UHRF2: variants seen among roughly 807,000 people sequenced by gnomAD.
UHRF2 encodes the protein ubiquitin like with PHD and ring finger domains 2.
Under a neutral mutation model 96.8 loss-of-function variants are expected in UHRF2, and 23 were observed. The ratio of observed to expected loss-of-function variants is 0.24; its 90% CI spans 0.17 to 0.34. UHRF2 has a LOEUF of 0.34. Ranked by LOEUF, UHRF2 falls within the 10% of genes least tolerant of loss-of-function variation. UHRF2 has a pLI of 1.00. For synonymous variants in UHRF2, 385 were observed against 332.6 expected (o/e 1.16, Z -1.72); for missense variants, 685 against 981.5 (o/e 0.70, Z 4.04).
At chr9:6,452,599 A>G (rs1324719734) in intron 3 of UHRF2, among the ~76,000 whole-genome samples, 2 of 152,250 alleles carry the variant, frequency 1.3e-5, no homozygotes, top group East Asian at 3.8e-4. Flanking sequence ...AACTAAGGAT[A>G]TAGAGTTACA....
intron 1 of UHRF2, among the ~76,000 whole-genome samples, chr9:6,416,971 C>T (rs983562419): frequency 2.0e-5 from 3 of 152,098 alleles, no homozygotes; most frequent in African/African-American, 4.8e-5. Flanking sequence ...TTGCCTCTCC[C>T]ACTTGGTTTT....
At chr9:6,490,599 G>A (rs181826412) in intron 9 of UHRF2, among the ~76,000 whole-genome samples, 1 of 152,318 alleles carries the variant, frequency 6.6e-6, no homozygotes, top group East Asian at 1.9e-4. Context: ...CTGTACTCCA[G>A]CCTGGATGAC....
At chr9:6,420,592 C>G (rs1227062759) in intron 1 of UHRF2, among the ~76,000 whole-genome samples, 2 of 151,524 alleles carry the variant, frequency 1.3e-5, no homozygotes, top group Non-Finnish European at 2.9e-5. Flanking sequence ...GTAGTCCCAG[C>G]TACTTCAGGG....
intron 4 of UHRF2, among the ~76,000 whole-genome samples, chr9:6,466,302 C>T (rs1179390972): frequency 6.6e-6 from 1 of 152,156 alleles, no homozygotes; most frequent in Non-Finnish European, 1.5e-5. Context: ...CTTTGGGAGG[C>T]TGAGGCGGAC....
rs1204080670 is a variant in UHRF2, at chr9:6,413,417, C to T, written c.-74C>T. On this transcript the variant is annotated 5_prime_UTR_variant, in exon 1 of 16. Transcript: ENST00000276893. Reference sequence around the variant, plus strand: ...AGGGCCCGAGCCGCAGGGAAAGCGGCGCGGGCCGGGCGGGGCGCGGCGCCC... The same window carrying T: ...AGGGCCCGAGCCGCAGGGAAAGCGGTGCGGGCCGGGCGGGGCGCGGCGCCC... 1.0e-5 allele frequency: 13 copies of T among 1,290,668 alleles called. No homozygotes were observed. Among genetic ancestry groups the T allele is most frequent in the Admixed American group, 3.1e-5 (1 of 32,102 alleles). The allele number at this position is 1,290,668 out of a possible 1,614,324, so 80.0% of individuals were successfully genotyped here.
chr9:6,425,907 ATATT>A (rs1199645738), intron 2 of UHRF2, among the ~76,000 whole-genome samples: 2 of 152,348 alleles, frequency 1.3e-5, no homozygotes, highest in African/African-American at 4.8e-5. Context: ...ACATCTATGA[ATATT>A]TATGTAACTA....
At chr9:6,500,197 G>A (rs1056817615) in intron 13 of UHRF2, among the ~76,000 whole-genome samples, 8 of 152,176 alleles carry the variant, frequency 5.3e-5, no homozygotes, top group Admixed American at 5.2e-4. Context: ...TGAACTCCTG[G>A]GCTGAAGGGA....
chr9:6,496,585 A>G (rs1824985461), intron 10 of UHRF2: 1 of 152,204 alleles, frequency 6.6e-6, no homozygotes, highest in Non-Finnish European at 1.5e-5. Context: ...AGAAGTCTTC[A>G]TTGTCATTAG....
intron 4 of UHRF2, among the ~76,000 whole-genome samples, chr9:6,470,013 C>G (rs1175346256): frequency 6.6e-6 from 1 of 151,994 alleles, no homozygotes; most frequent in South Asian, 2.1e-4. Context: ...TGAAGATGAC[C>G]AAGTTTTCAT....
chr9:6,441,377 C>G (rs1402461101), intron 3 of UHRF2, among the ~76,000 whole-genome samples: 1 of 147,892 alleles, frequency 6.8e-6, no homozygotes, highest in African/African-American at 2.5e-5. Context: ...CTGTCTCTAC[C>G]CCTCCCAAAA....
At chr9:6,438,625 G>A (rs1390891608) in intron 3 of UHRF2, among the ~76,000 whole-genome samples, 1 of 152,168 alleles carries the variant, frequency 6.6e-6, no homozygotes, top group Non-Finnish European at 1.5e-5. Flanking sequence ...GCAAAAGCAG[G>A]GAGATGTATT....
chr9:6,427,479 G>A (rs1295824195), intron 2 of UHRF2, among the ~76,000 whole-genome samples: 1 of 152,102 alleles, frequency 6.6e-6, no homozygotes, highest in Non-Finnish European at 1.5e-5. Context: ...CTGAGGTCAG[G>A]CTTTTGCAAC....
In UHRF2 at chr9:6,488,251, TAAAAAAAAAAAAAAAAAAAAAAAAAA is replaced by T. The variant is rs777979832; in HGVS notation, c.1497+1357_1497+1382del. 6.9e-3 allele frequency among the ~76,000 whole-genome samples: 364 copies of T among 52,526 alleles called. 10 individuals carry two copies. The highest frequency in any genetic ancestry group is 7.7e-3 in the Non-Finnish European group (211 of 27,376). The allele number at this position is 52,526 out of a possible 152,430, so 34.5% of individuals were successfully genotyped here. On this transcript the variant is annotated intron_variant, in intron 9 of 15. Transcript: ENST00000276893. ...AACAGAGAGCAAGACCCTGTCTCCT[TAAAAAAAAAAAAAAAAAAAAAAAAAA>T]AAAAAAAAAAAAAAAAAAAAAAAAA...
intron 4 of UHRF2, among the ~76,000 whole-genome samples, chr9:6,461,507 G>A (rs1441916947): frequency 6.6e-6 from 1 of 151,248 alleles, no homozygotes; most frequent in African/African-American, 2.4e-5. Context: ...CAAGTAGCTG[G>A]GACTACAGGC....
intron 10 of UHRF2, 69 bp from the exon 11 acceptor site, chr9:6,497,129 G>A: frequency 7.1e-7 from 1 of 1,408,774 alleles, no homozygotes; most frequent in African/African-American, 1.4e-5. Context: ...CCTTTTAATT[G>A]AGCTAATGAC....
At chr9:6,483,299 T>C (rs1824039355) in intron 8 of UHRF2, among the ~76,000 whole-genome samples, 1 of 129,650 alleles carries the variant, frequency 7.7e-6, no homozygotes, top group African/African-American at 3.0e-5. Flanking sequence ...CACTCCAGCC[T>C]GGGTGACAGA....
intron 10 of UHRF2, 97 bp downstream of exon 10, chr9:6,494,029 C>A: frequency 2.9e-6 from 3 of 1,045,122 alleles, no homozygotes; most frequent in Non-Finnish European, 2.7e-6. Context: ...GAATTTCAAA[C>A]TGGGAGTTAA....
At chr9:6,419,193 G>A (rs1457740054) in intron 1 of UHRF2, among the ~76,000 whole-genome samples, 1 of 152,146 alleles carries the variant, frequency 6.6e-6, no homozygotes, top group Non-Finnish European at 1.5e-5. Flanking sequence ...AACTTAGCTC[G>A]TAACAGTAGG....
At chr9:6,486,275 G>C (rs937806234) in intron 8 of UHRF2, among the ~76,000 whole-genome samples, 1 of 152,190 alleles carries the variant, frequency 6.6e-6, no homozygotes, top group Non-Finnish European at 1.5e-5. Flanking sequence ...CTCAAACTAC[G>C]ATTGAACAGT....
Sources: allele counts gnomAD v4.1 joint callset (sites outside exome capture counted in the v4.1 genomes callset), GRCh38; gene constraint gnomAD v4.1.1; transcripts MANE v1.5; gene names NCBI Gene and HGNC (gene_info 2026-07-23, HGNC 2026-07-21).